HYAL4: variants seen among roughly 807,000 people sequenced by gnomAD.
HYAL4 encodes hyaluronidase-4.
Under a neutral mutation model 35.2 loss-of-function variants are expected in HYAL4, and 37 were observed. That is an observed-to-expected ratio of 1.05 (90% CI 0.81 to 1.38). HYAL4 has a LOEUF of 1.38. Among genes scored for constraint, HYAL4 ranks in the 40% most tolerant of loss-of-function variants. The probability of loss-of-function intolerance (pLI) is 0.00; values close to 1 mark genes in which losing one functional copy is unlikely to be tolerated. For synonymous variants in HYAL4, 198 were observed against 203.2 expected (o/e 0.97, Z 0.22); for missense variants, 572 against 572.4 (o/e 1.00, Z 0.01).
At chr7:123,773,911 T>C in the HYAL4 span, among the ~76,000 whole-genome samples, 1 of 152,270 alleles carries the variant, frequency 6.6e-6, no homozygotes, top group Non-Finnish European at 1.5e-5. Flanking sequence ...ATCCATCCAT[T>C]CATCAAACAT....
At position 123,868,090 on chromosome 7, in the gene HYAL4, T is replaced by C. The variant is rs1806733548; in HGVS notation, c.-51-133T>C. 1.5e-5 allele frequency: 6 copies of C among 390,286 alleles called. No homozygotes were observed. The East Asian group carries it at 2.3e-4, about 15-fold the overall frequency. 24.2% of individuals were successfully genotyped at this position (390,286 alleles called of 1,614,324 possible). A position where few individuals can be genotyped will look rare whatever the true frequency, so the allele number is the denominator to read the frequency against. ...CTCTACATATGCTTCTATATCTCAATTTATTTATAGGCCTCTTTGAGACCT... is the reference window on the plus strand; with the variant it reads ...CTCTACATATGCTTCTATATCTCAACTTATTTATAGGCCTCTTTGAGACCT... On this transcript the variant is annotated intron_variant, in intron 2 of 4. Transcript: ENST00000223026.
chr7:123,820,000 C>T, the HYAL4 span, among the ~76,000 whole-genome samples: 3 of 150,792 alleles, frequency 2.0e-5, no homozygotes, highest in South Asian at 2.1e-4. Context: ...AAGTGATTCT[C>T]GTGACTCAGC....
At chr7:123,779,807 T>C in the HYAL4 span, among the ~76,000 whole-genome samples, 1 of 152,178 alleles carries the variant, frequency 6.6e-6, no homozygotes, top group Non-Finnish European at 1.5e-5. Flanking sequence ...CTTTCTTCTG[T>C]AGAGTTCAAA....
At chr7:123,794,053 A>G in the HYAL4 span, among the ~76,000 whole-genome samples, 1 of 152,226 alleles carries the variant, frequency 6.6e-6, no homozygotes, top group Non-Finnish European at 1.5e-5. Context: ...TGTGGACAAC[A>G]AAGTCCAGGC....
chr7:123,842,297 T>G (rs986761457), upstream of HYAL4, among the ~76,000 whole-genome samples: 4 of 152,070 alleles, frequency 2.6e-5, no homozygotes, highest in African/African-American at 7.2e-5. Flanking sequence ...TTCCATGTAG[T>G]AGTGCGGTTT....
the HYAL4 span, among the ~76,000 whole-genome samples, chr7:123,799,558 G>C: frequency 6.6e-6 from 1 of 151,678 alleles, no homozygotes; most frequent in African/African-American, 2.4e-5. Context: ...GGAGGCCAAG[G>C]GGTGTGAATC....
chr7:123,837,971 A>G (rs371174174), intron 1 of HYAL4, among the ~76,000 whole-genome samples: 14 of 152,158 alleles, frequency 9.2e-5, no homozygotes, highest in African/African-American at 2.9e-4. Context: ...TAGTGCCGCA[A>G]TAAACATACA....
intron 2 of HYAL4, among the ~76,000 whole-genome samples, chr7:123,862,708 C>G (rs1276972505): frequency 6.6e-6 from 1 of 152,154 alleles, no homozygotes; most frequent in Non-Finnish European, 1.5e-5. Context: ...GAACTGCTCT[C>G]ATTTCTGTCT....
chr7:123,783,843 A>G, the HYAL4 span, among the ~76,000 whole-genome samples: 1 of 152,232 alleles, frequency 6.6e-6, no homozygotes, highest in Non-Finnish European at 1.5e-5. Context: ...AACTCTTTAA[A>G]AGACTGATGA....
chr7:123,807,965 G>A, the HYAL4 span, among the ~76,000 whole-genome samples: 2 of 138,930 alleles, frequency 1.4e-5, no homozygotes, highest in African/African-American at 5.5e-5. Context: ...TGTAGAGACA[G>A]ACTCCCACTG....
intron 3 of HYAL4, among the ~76,000 whole-genome samples, chr7:123,871,412 G>A (rs1465494392): frequency 6.6e-6 from 1 of 151,958 alleles, no homozygotes; most frequent in Non-Finnish European, 1.5e-5. Context: ...GGCTGGTTTC[G>A]AACTCCTGAC....
intron 2 of HYAL4, among the ~76,000 whole-genome samples, chr7:123,860,302 G>C (rs561781246): frequency 6.6e-6 from 1 of 152,226 alleles, no homozygotes; most frequent in Non-Finnish European, 1.5e-5. Flanking sequence ...TTTCCTTATA[G>C]CAGTGTGAGA....
the HYAL4 span, among the ~76,000 whole-genome samples, chr7:123,798,133 ACT>A: frequency 1.1e-4 from 17 of 152,198 alleles, no homozygotes; most frequent in South Asian, 6.2e-4. Context: ...GTTATTCAAG[ACT>A]CTGTAATGCA....
At chr7:123,808,634 C>T in the HYAL4 span, among the ~76,000 whole-genome samples, 1 of 152,174 alleles carries the variant, frequency 6.6e-6, no homozygotes, top group Non-Finnish European at 1.5e-5. Flanking sequence ...CCCTTTCTCT[C>T]TAGATCTTCC....
At chr7:123,845,984 A>G (rs1449351519) in intron 1 of HYAL4, among the ~76,000 whole-genome samples, 1 of 152,232 alleles carries the variant, frequency 6.6e-6, no homozygotes, top group East Asian at 1.9e-4. Context: ...TTGTCTGCAC[A>G]GAGTCCTGTG....
At chr7:123,834,601 G>C (rs1334899883) in intron 1 of HYAL4, among the ~76,000 whole-genome samples, 3 of 152,134 alleles carry the variant, frequency 2.0e-5, no homozygotes, top group Admixed American at 1.3e-4. Flanking sequence ...CTCTGGCTAA[G>C]ACTTCCAGTA....
At chr7:123,836,106 A>G (rs1487903776) in intron 1 of HYAL4, among the ~76,000 whole-genome samples, 2 of 152,118 alleles carry the variant, frequency 1.3e-5, no homozygotes, top group African/African-American at 4.8e-5. Context: ...GTTCCAAGGT[A>G]TAGTTTATAT....
chr7:123,820,519 T>C, the HYAL4 span, among the ~76,000 whole-genome samples: 1 of 151,408 alleles, frequency 6.6e-6, no homozygotes, highest in Non-Finnish European at 1.5e-5. Context: ...GGATGCAGAG[T>C]TGGCGGTGAG....
At chr7:123,850,915 C>T (rs1183322291) in intron 2 of HYAL4, among the ~76,000 whole-genome samples, 2 of 151,772 alleles carry the variant, frequency 1.3e-5, no homozygotes, top group Admixed American at 1.3e-4. Flanking sequence ...CTCAAGATTA[C>T]ATCTGGAAAT....
Sources: allele counts gnomAD v4.1 joint callset (sites outside exome capture counted in the v4.1 genomes callset), GRCh38; gene constraint gnomAD v4.1.1; transcripts MANE v1.5; gene names NCBI Gene and HGNC (gene_info 2026-07-23, HGNC 2026-07-21).